The following ABCC5 variants were observed in gnomAD, a reference collection of about 807,000 sequenced individuals.
ABCC5 encodes the protein ATP binding cassette subfamily C member 5.
ABCC5 carries 61 observed loss-of-function variants against 160.9 expected under a neutral mutation model. The ratio of observed to expected loss-of-function variants is 0.38; its 90% CI spans 0.31 to 0.47. The LOEUF is 0.47. Among genes scored for constraint, ABCC5 ranks in the 20% least tolerant of loss-of-function variants. The pLI is 0.99. For missense variants in ABCC5, 1,308 were observed against 1,813.3 expected (o/e 0.72, Z 5.06); for synonymous variants, 666 against 700.6 (o/e 0.95, Z 0.78).
In ABCC5 at chr3:183,963,530, C is replaced by T. The variant is rs779304568; in HGVS notation, c.2090G>A (p.Arg697Gln). ...GATGCTCCTGTCACTATACAAGGCC[C>T]GGGCAAGGCTGATCCTCTGGCGCTG... ...GGQRQRISLA[R>Q]ALYSDRSIYI... Residue 697 changes from arginine to glutamine, a missense_variant, in exon 15 of 30, where the codon CGG (arginine) becomes CAG (glutamine). Coordinates refer to ENST00000334444, the MANE Select transcript of ABCC5 (RefSeq NM_005688.4). This position sits in a 1 kb window ranked among gnomAD's most constrained non-coding sequence, Gnocchi z 4.6. 9.9e-6 allele frequency: 16 copies of T among 1,614,218 alleles called. No homozygotes were observed. The highest frequency in any genetic ancestry group is 2.2e-5 in the South Asian group (2 of 91,078).
chr3:184,004,664 AG>A (rs1721033509), intron 2 of ABCC5, among the ~76,000 whole-genome samples: 1 of 152,200 alleles, frequency 6.6e-6, no homozygotes, highest in African/African-American at 2.4e-5. Context: ...GATCACCGTG[AG>A]AAGCAAACAC....
chr3:183,953,393 T>C (rs1290313842), intron 17 of ABCC5, 123 bp from the exon 18 acceptor site: 7 of 790,410 alleles, frequency 8.9e-6, no homozygotes, highest in Non-Finnish European at 1.1e-5. Flanking sequence ...TTAGATTTCC[T>C]CTTTGTCAGA....
chr3:183,950,230 T>C, intron 20 of ABCC5, 105 bp from the exon 21 acceptor site: 1 of 1,334,204 alleles, frequency 7.5e-7, no homozygotes, highest in Non-Finnish European at 1.0e-6. Context: ...CTGAAGTTTG[T>C]GATGTTGTCT....
At chr3:183,946,678 T>C (rs1256516855) in intron 23 of ABCC5, among the ~76,000 whole-genome samples, 1 of 152,088 alleles carries the variant, frequency 6.6e-6, no homozygotes, top group Non-Finnish European at 1.5e-5. Flanking sequence ...CCCCATATTA[T>C]TTGGAAGCAA....
chr3:183,985,387 C>T, intron 5 of ABCC5: 2 of 1,612,470 alleles, frequency 1.2e-6, no homozygotes, highest in South Asian at 2.2e-5. Flanking sequence ...TTCTAAAGAA[C>T]AGCTTCTGTC....
At chr3:183,946,464 C>T (rs1269489955) in intron 23 of ABCC5, among the ~76,000 whole-genome samples, 1 of 152,174 alleles carries the variant, frequency 6.6e-6, no homozygotes, top group Non-Finnish European at 1.5e-5. Context: ...TGTGGCTGGA[C>T]ATCTCGGGGT....
intron 8 of ABCC5, among the ~76,000 whole-genome samples, chr3:183,980,360 A>G (rs1180522806): frequency 6.6e-6 from 1 of 152,246 alleles, no homozygotes; most frequent in Admixed American, 6.5e-5. Flanking sequence ...AAATTAATAC[A>G]TACAGGTAAA....
At chr3:183,934,132 C>T (rs930945135) in intron 26 of ABCC5, among the ~76,000 whole-genome samples, 2 of 152,160 alleles carry the variant, frequency 1.3e-5, no homozygotes, top group African/African-American at 4.8e-5. Flanking sequence ...ATGGTGAAAC[C>T]CCGTCTCTAC....
intron 29 of ABCC5, among the ~76,000 whole-genome samples, chr3:183,922,931 C>T (rs575956653): frequency 3.9e-4 from 60 of 152,146 alleles, no homozygotes; most frequent in African/African-American, 1.3e-3. Context: ...GAGCCCCACA[C>T]TGCTGAGCTG....
In ABCC5 at chr3:183,965,166, A is replaced by G; in HGVS notation, c.2031+19T>C. On this transcript the variant is annotated intron_variant, in intron 14 of 29. Coordinates refer to ENST00000334444, the MANE Select transcript of ABCC5 (RefSeq NM_005688.4). Reference sequence around the variant, plus strand: ...CTGCCACTCTGCTAAATGCCTGGTCAGGGGCGGAAGGCCTGTACCTCCGTC... The same window carrying G: ...CTGCCACTCTGCTAAATGCCTGGTCGGGGGCGGAAGGCCTGTACCTCCGTC... 1 of 1,613,346 alleles carries G rather than the reference A, an allele frequency of 6.2e-7. No individual in the cohort carries two copies. Among genetic ancestry groups the G allele is most frequent in the Non-Finnish European group, 8.5e-7 (1 of 1,179,656 alleles).
intron 29 of ABCC5, among the ~76,000 whole-genome samples, chr3:183,922,839 C>T (rs994484112): frequency 9.2e-5 from 14 of 152,292 alleles, no homozygotes; most frequent in African/African-American, 3.1e-4. Context: ...TTCCTTTGGA[C>T]ACGTGTCCTT....
chr3:183,985,054 G>T (rs748551782), intron 5 of ABCC5: 10 of 696,728 alleles, frequency 1.4e-5, no homozygotes, highest in African/African-American at 5.4e-5. Flanking sequence ...CTTTCAAAGG[G>T]GGGGAAAAAG....
intron 26 of ABCC5, among the ~76,000 whole-genome samples, chr3:183,937,510 C>T (rs779130466): frequency 1.3e-5 from 2 of 152,220 alleles, no homozygotes; most frequent in Non-Finnish European, 1.5e-5. Flanking sequence ...TTACCATTTG[C>T]CAGGCCCTGT....
At chr3:183,958,540 T>C (rs1472821645) in intron 17 of ABCC5, among the ~76,000 whole-genome samples, 1 of 152,302 alleles carries the variant, frequency 6.6e-6, no homozygotes, top group South Asian at 2.1e-4. Context: ...CACACTTGAA[T>C]TCAAAATCTC....
At chr3:183,999,518 A>C (rs780002452) in intron 2 of ABCC5, among the ~76,000 whole-genome samples, 3 of 152,132 alleles carry the variant, frequency 2.0e-5, no homozygotes, top group Non-Finnish European at 4.4e-5. Flanking sequence ...ACTGGCTCAC[A>C]CCTGTAATCT....
At chr3:184,012,466 G>A (rs768175159) in intron 2 of ABCC5, among the ~76,000 whole-genome samples, 18 of 152,162 alleles carry the variant, frequency 1.2e-4, no homozygotes, top group Non-Finnish European at 1.9e-4. Flanking sequence ...GTGATCCCAT[G>A]AGTCAGGTAC....
chr3:183,926,464 C>T (rs1389309030), intron 28 of ABCC5, among the ~76,000 whole-genome samples: 2 of 151,636 alleles, frequency 1.3e-5, no homozygotes, highest in South Asian at 2.1e-4. Context: ...GCAAGAGAAT[C>T]GCGCGAATCC....
At chr3:183,970,555 C>T (rs1377880795) in intron 11 of ABCC5, among the ~76,000 whole-genome samples, 1 of 152,068 alleles carries the variant, frequency 6.6e-6, no homozygotes, top group Non-Finnish European at 1.5e-5. Context: ...AGCAATTCTC[C>T]TGCCTCAGCC....
At chr3:183,923,536 T>A (rs1415926543) in intron 29 of ABCC5, among the ~76,000 whole-genome samples, 1 of 152,102 alleles carries the variant, frequency 6.6e-6, no homozygotes, top group South Asian at 2.1e-4. Flanking sequence ...GGCAGGAGAA[T>A]CGCTTGAACC....
Sources: gnomAD v4.1 joint callset for allele counts (sites outside exome capture counted in the v4.1 genomes callset) on GRCh38, gnomAD v4.1.1 for gene constraint, Gnocchi (gnomAD v3.1) non-coding constraint, MANE v1.5 for transcripts, NCBI Gene and HGNC (gene_info 2026-07-23, HGNC 2026-07-21) for gene names.